The following POMGNT2 variants were observed in gnomAD, a reference collection of about 807,000 sequenced individuals.
The protein encoded by POMGNT2 is protein O-linked-mannose beta-1,4-N-acetylglucosaminyltransferase 2.
POMGNT2 carries 32 observed loss-of-function variants against 37.8 expected under a neutral mutation model. The observed-to-expected ratio is 0.85, with a 90% CI of 0.64 to 1.14. POMGNT2 has a LOEUF of 1.14. POMGNT2 is among the 50% of genes most tolerant of loss of function. POMGNT2 has a pLI of 0.00. For missense variants in POMGNT2, 705 were observed against 780.6 expected (o/e 0.90, Z 1.15); for synonymous variants, 340 against 336.8 (o/e 1.01, Z -0.10).
Position 43,080,067 on chromosome 3 carries a change from C to T in POMGNT2, c.1365G>A (p.Pro455=), listed in dbSNP as rs604033. The T allele has an allele frequency of 0.79, 1,280,739 of 1,613,634 alleles. 509,310 individuals are homozygous for T. Among genetic ancestry groups the T allele is most frequent in the Admixed American group, 0.82 (49,183 of 60,006 alleles). The change falls in exon 2 of 2, where the codon CCG becomes CCA. Residue 455 remains proline (P), a synonymous_variant. Coordinates refer to ENST00000344697, the MANE Select transcript of POMGNT2 (RefSeq NM_032806.6). ...RIYQDTKVDI[P]SLIQTIRRVV... The stretch of plus-strand genomic sequence containing the variant: ...CGCGCCGTATGGTTTGAATGAGGGA[C>T]GGGATGTCCACCTTGGTGTCCTGGT...
In POMGNT2 at chr3:43,081,407, C is replaced by T. The variant is rs761633368; in HGVS notation, c.25G>A (p.Ala9Thr). 2.0e-5 allele frequency: 32 copies of T among 1,587,118 alleles called. No homozygotes were observed. In the South Asian group the frequency reaches 2.1e-4, roughly 10 times the overall value. Residue 9 changes from alanine (A) to threonine (T), a missense_variant, in exon 2 of 2, where the codon GCC becomes ACC. Physicochemically the swap from Ala to Thr is moderately conservative, Grantham distance 58. Coordinates refer to ENST00000344697, the MANE Select transcript of POMGNT2 (RefSeq NM_032806.6). MHLSAVFN[A>T]LLVSVLAAVL... ...GCTGCCAGCACCGACACCAGGAGGG[C>T]GTTGAACACCGCCGAGAGGTGCATC...
At chr3:43,085,512 C>G (rs1340814170) in intron 1 of POMGNT2, among the ~76,000 whole-genome samples, 1 of 152,088 alleles carries the variant, frequency 6.6e-6, no homozygotes, top group Non-Finnish European at 1.5e-5. Flanking sequence ...CAAGCTCTCT[C>G]TTTGCCTGCT....
intron 1 of POMGNT2, among the ~76,000 whole-genome samples, chr3:43,099,541 C>A (rs1190805278): frequency 6.6e-6 from 1 of 152,198 alleles, no homozygotes; most frequent in Non-Finnish European, 1.5e-5. Context: ...AAGCCATGTG[C>A]AGTTCAGTGG....
At chr3:43,099,511 G>A (rs1430414121) in intron 1 of POMGNT2, among the ~76,000 whole-genome samples, 1 of 152,174 alleles carries the variant, frequency 6.6e-6, no homozygotes, top group African/African-American at 2.4e-5. Context: ...CCAAGCCATG[G>A]GCAGTGATGG....
intron 1 of POMGNT2, among the ~76,000 whole-genome samples, chr3:43,103,134 C>A (rs1442288024): frequency 6.6e-6 from 1 of 152,176 alleles, no homozygotes; most frequent in African/African-American, 2.4e-5. Flanking sequence ...TACAAAACCA[C>A]TGCCCTTTAG....
rs116209758 is a variant in POMGNT2, at chr3:43,096,374, T to C, written c.-106+9462A>G. On this transcript the variant is annotated intron_variant, in intron 1 of 1. Coordinates refer to ENST00000344697, the MANE Select transcript of POMGNT2 (RefSeq NM_032806.6). Reference sequence around the variant, plus strand: ...CTCTAACACTTTATGTTCCAGGCAGTATACTGAACACTGTAGGTATATTTT... The same window carrying C: ...CTCTAACACTTTATGTTCCAGGCAGCATACTGAACACTGTAGGTATATTTT... 3.0e-3 allele frequency among the ~76,000 whole-genome samples: 460 copies of C among 152,326 alleles called. 1 individual carries two copies. The highest frequency in any genetic ancestry group is 0.01 in the African/African-American group (433 of 41,564).
chr3:43,103,162 G>A (rs879650096), intron 1 of POMGNT2, among the ~76,000 whole-genome samples: 1 of 152,168 alleles, frequency 6.6e-6, no homozygotes, highest in Admixed American at 6.5e-5. Context: ...AGAACCCTTA[G>A]AAATGATTTC....
intron 1 of POMGNT2, among the ~76,000 whole-genome samples, chr3:43,104,918 C>T (rs1210621937): frequency 1.3e-5 from 2 of 152,196 alleles, no homozygotes; most frequent in Admixed American, 1.3e-4. Context: ...TGCTTAAACG[C>T]ACACCGCTAG....
At chr3:43,082,476 A>C (rs1188334571) in intron 1 of POMGNT2, among the ~76,000 whole-genome samples, 1 of 152,210 alleles carries the variant, frequency 6.6e-6, no homozygotes, top group Admixed American at 6.5e-5. Flanking sequence ...GAGGCAAAAA[A>C]AACCAATAGG....
rs1379080088 is a variant in POMGNT2 at position 43,092,165 on chromosome 3, GT to G, written c.-105-10630del. On this transcript the variant is annotated intron_variant, in intron 1 of 1. Transcript: ENST00000344697. Reference sequence around the variant, plus strand: ...ATCATTACATTGTGCTCTGTAAGATGTTATTAGTAGGGGAAGTGGGGAGAAA... The same window carrying G: ...ATCATTACATTGTGCTCTGTAAGATGTATTAGTAGGGGAAGTGGGGAGAAA... 2.0e-5 allele frequency among the ~76,000 whole-genome samples: 3 copies of G among 152,300 alleles called. No individual in the cohort carries two copies. In the East Asian group the frequency reaches 5.8e-4, roughly 29 times the overall value.
Position 43,079,746 on chromosome 3 carries a change from G to A in POMGNT2, c.1686C>T (p.Cys562=), listed in dbSNP as rs1207633227. 2.5e-6 allele frequency: 4 copies of A among 1,614,202 alleles called. No homozygotes were observed. Among genetic ancestry groups the A allele is most frequent in the South Asian group, 1.1e-5 (1 of 91,084 alleles). ...PFTTYLVWVR[C]IFNKILLGPF... ...GTCCCAGGAGGATCTTGTTGAAGAT[G>A]CAGCGGACCCACACCAGGTAGGTGG... Residue 562 remains cysteine, a synonymous_variant, in exon 2 of 2, where the codon TGC becomes TGT. Transcript: ENST00000344697.
rs949538579 is a variant in POMGNT2, at chr3:43,098,422, C to T, written c.-106+7414G>A. 3.3e-5 allele frequency among the ~76,000 whole-genome samples: 5 copies of T among 151,976 alleles called. No individual in the cohort carries two copies. The highest frequency in any genetic ancestry group is 9.7e-5 in the African/African-American group (4 of 41,358). On this transcript the variant is annotated intron_variant, in intron 1 of 1. Coordinates refer to ENST00000344697, the MANE Select transcript of POMGNT2 (RefSeq NM_032806.6). The surrounding 1 kb of genome is among the most constrained non-coding windows in gnomAD (Gnocchi z 4.3). Reference sequence around the variant, plus strand: ...TAATAACATAATGCTTACATTTGCTCCTAAATTAAATATTAACCTAATGCT... The same window carrying T: ...TAATAACATAATGCTTACATTTGCTTCTAAATTAAATATTAACCTAATGCT...
chr3:43,098,039 C>A lies in POMGNT2; in HGVS notation c.-106+7797G>T, dbSNP rs2089992305. ...AGGTGGAGGGACCAGACAGCCAGCA[C>A]CTGCCAGACCCAGGCTGCAGAAGAT... On this transcript the variant is annotated intron_variant, in intron 1 of 1. Transcript: ENST00000344697. This position sits in a 1 kb window ranked among gnomAD's most constrained non-coding sequence, Gnocchi z 4.3. Among the ~76,000 whole-genome samples, 1 of 152,232 alleles carries A rather than the reference C, an allele frequency of 6.6e-6. No homozygotes were observed. The highest frequency in any genetic ancestry group is 2.4e-5 in the African/African-American group (1 of 41,458).
intron 1 of POMGNT2, among the ~76,000 whole-genome samples, chr3:43,089,709 C>T (rs1257757584): frequency 6.6e-6 from 1 of 152,114 alleles, no homozygotes; most frequent in South Asian, 2.1e-4. Context: ...GGAGCATGTT[C>T]CTGATGGCAA....
chr3:43,098,702 T>C lies in POMGNT2; in HGVS notation c.-106+7134A>G, dbSNP rs1346482488. On this transcript the variant is annotated intron_variant, in intron 1 of 1. Coordinates refer to ENST00000344697, the MANE Select transcript of POMGNT2 (RefSeq NM_032806.6). This position sits in a 1 kb window ranked among gnomAD's most constrained non-coding sequence, Gnocchi z 4.3. ...ACCATCAATAGCTGATGACTGTGAC[T>C]ATATTGCCTTATCAATAGAAAAGGA... 6.6e-6 allele frequency among the ~76,000 whole-genome samples: 1 copy of C among 152,212 alleles called. No homozygotes were observed.
At chr3:43,083,128 T>G (rs758851572) in intron 1 of POMGNT2, among the ~76,000 whole-genome samples, 3 of 152,148 alleles carry the variant, frequency 2.0e-5, no homozygotes, top group Non-Finnish European at 2.9e-5. Context: ...ATATATCATA[T>G]ACTCCCCACC....
chr3:43,090,194 C>A (rs545059209), intron 1 of POMGNT2, among the ~76,000 whole-genome samples: 42 of 152,256 alleles, frequency 2.8e-4, no homozygotes, highest in African/African-American at 9.6e-4. Context: ...AGTTCAGTAT[C>A]CCCTTCTCCC....
rs1465775904 is a variant in POMGNT2 at position 43,105,848 on chromosome 3, C to G, written c.-118G>C. On this transcript the variant is annotated 5_prime_UTR_variant, in exon 1 of 2. Transcript: ENST00000344697. The stretch of plus-strand genomic sequence containing the variant: ...GCGCGCGTCTTACCTGAAGCCTGGA[C>G]TCCGCGGGACGAAGCCACCTCCGCC... 6.6e-6 allele frequency: 1 copy of G among 151,924 alleles called. No homozygotes were observed. The highest frequency in any genetic ancestry group is 6.6e-5 in the Admixed American group (1 of 15,258). The allele number at this position is 151,924 out of a possible 1,614,324, so 9.4% of individuals were successfully genotyped here.
intron 1 of POMGNT2, among the ~76,000 whole-genome samples, chr3:43,105,460 A>C: frequency 7.0e-6 from 1 of 143,164 alleles, no homozygotes; most frequent in South Asian, 2.3e-4. Flanking sequence ...AATGTGCACC[A>C]CCCATCACCT....
Sources: gnomAD v4.1 joint callset for allele counts (sites outside exome capture counted in the v4.1 genomes callset) on GRCh38, gnomAD v4.1.1 for gene constraint, Gnocchi (gnomAD v3.1) non-coding constraint, MANE v1.5 for transcripts, NCBI Gene and HGNC (gene_info 2026-07-23, HGNC 2026-07-21) for gene names.